Variants in FRS2 observed in about 807,000 individuals in gnomAD.
FRS2 encodes FGFR signalling adaptor.
In FRS2, 8 loss-of-function variants were observed where a neutral mutation model predicts 43.9. The observed-to-expected ratio is 0.18, with a 90% CI of 0.11 to 0.33. The LOEUF (loss-of-function observed/expected upper bound fraction) is 0.33. Ranked by LOEUF, FRS2 falls within the 10% of genes least tolerant of loss-of-function variation. The pLI, the probability that FRS2 is intolerant of heterozygous loss-of-function variation, is 1.00. For missense variants in FRS2, 534 were observed against 627.6 expected (o/e 0.85, Z 1.59); for synonymous variants, 219 against 220.3 (o/e 0.99, Z 0.05).
At chr12:69,484,107 C>G (rs1002022945) in intron 1 of FRS2, among the ~76,000 whole-genome samples, 12 of 125,974 alleles carry the variant, frequency 9.5e-5, no homozygotes, top group Admixed American at 4.0e-4. Flanking sequence ...TTTTTTTTGA[C>G]AGAGTCTCGC....
Position 69,574,823 on chromosome 12 carries a change from C to T in FRS2, c.1395C>T (p.Thr465=). The T allele has an allele frequency of 6.2e-7, 1 of 1,614,034 alleles. No homozygotes were observed. Among genetic ancestry groups the T allele is most frequent in the Non-Finnish European group, 8.5e-7 (1 of 1,179,976 alleles). The change falls in exon 9 of 9, where the codon ACC becomes ACT. Residue 465 remains threonine (T), a synonymous_variant. Coordinates refer to ENST00000549921, the MANE Select transcript of FRS2 (RefSeq NM_001278356.2). ...TPTTPLPQTP[T]RRTELYAVID... ...CAACTCCCCTTCCACAAACCCCTAC[C>T]AGGCGCACAGAGCTGTATGCCGTGA...
intron 1 of FRS2, among the ~76,000 whole-genome samples, chr12:69,507,717 C>T (rs1333965330): frequency 6.6e-6 from 1 of 152,008 alleles, no homozygotes; most frequent in Non-Finnish European, 1.5e-5. Flanking sequence ...AATTTGTGCC[C>T]CTAAGTATGG....
rs940093013 is a variant in FRS2, at chr12:69,513,155, T to G, written c.-260-17710T>G. 2.0e-4 allele frequency among the ~76,000 whole-genome samples: 30 copies of G among 151,084 alleles called. No homozygotes were observed. In the East Asian group the frequency reaches 6.0e-3, roughly 30 times the overall value. On this transcript the variant is annotated intron_variant, in intron 1 of 8. Coordinates refer to ENST00000549921, the MANE Select transcript of FRS2 (RefSeq NM_001278356.2). ...CTCTGGCAAAGTTTGGAGTTTGTTT[T>G]TTTTTTTTGACCTTTTAATACATTG... is the stretch of plus-strand genomic sequence containing the variant.
chr12:69,513,755 G>T (rs1874699174), intron 1 of FRS2, among the ~76,000 whole-genome samples: 2 of 152,100 alleles, frequency 1.3e-5, no homozygotes, highest in African/African-American at 2.4e-5. Context: ...CAAGTGTAAA[G>T]CTCCTGCTGG....
intron 8 of FRS2, among the ~76,000 whole-genome samples, chr12:69,572,552 C>A (rs1336655506): frequency 6.6e-6 from 1 of 152,102 alleles, no homozygotes; most frequent in Non-Finnish European, 1.5e-5. Context: ...ATGGTCAGTT[C>A]CCATTATAAG....
chr12:69,502,897 A>G (rs368329753), intron 1 of FRS2, among the ~76,000 whole-genome samples: 1 of 152,298 alleles, frequency 6.6e-6, no homozygotes, highest in Admixed American at 6.5e-5. Flanking sequence ...CATCAGCAGC[A>G]GCTGCCGCCT....
chr12:69,475,013 G>T (rs1230700711), intron 1 of FRS2, among the ~76,000 whole-genome samples: 2 of 149,918 alleles, frequency 1.3e-5, no homozygotes, highest in African/African-American at 5.0e-5. Context: ...GATAGAATAA[G>T]ATACTTTTAT....
intron 1 of FRS2, among the ~76,000 whole-genome samples, chr12:69,517,013 A>G (rs182967642): frequency 6.6e-6 from 1 of 152,228 alleles, no homozygotes; most frequent in African/African-American, 2.4e-5. Flanking sequence ...ATGATGCTAC[A>G]GTGAAAATTT....
chr12:69,504,369 A>G (rs1411754792), intron 1 of FRS2, among the ~76,000 whole-genome samples: 1 of 152,226 alleles, frequency 6.6e-6, no homozygotes, highest in Admixed American at 6.5e-5. Flanking sequence ...CATCTAAAAA[A>G]ATAAATAAAA....
At chr12:69,510,290 C>G (rs1283316296) in intron 1 of FRS2, among the ~76,000 whole-genome samples, 2 of 152,094 alleles carry the variant, frequency 1.3e-5, no homozygotes, top group Non-Finnish European at 2.9e-5. Flanking sequence ...TCTGAGTGCC[C>G]TCGGTAGAGT....
At chr12:69,496,259 A>G (rs927905888) in intron 1 of FRS2, among the ~76,000 whole-genome samples, 14 of 152,130 alleles carry the variant, frequency 9.2e-5, no homozygotes, top group African/African-American at 3.4e-4. Flanking sequence ...ACACAGTGAA[A>G]CCCCGAATCT....
chr12:69,487,029 C>T (rs187928038), intron 1 of FRS2, among the ~76,000 whole-genome samples: 1 of 152,320 alleles, frequency 6.6e-6, no homozygotes, highest in Admixed American at 6.5e-5. Context: ...ACTTCTTTAT[C>T]ATTTTTCTTA....
chr12:69,482,885 C>T (rs79112674), intron 1 of FRS2, among the ~76,000 whole-genome samples: 104 of 152,196 alleles, frequency 6.8e-4, no homozygotes, highest in Middle Eastern at 3.4e-3. Flanking sequence ...TCTAGACTGC[C>T]ATTTGCCTTC....
At position 69,569,020 on chromosome 12, in the gene FRS2, C is replaced by T; in HGVS notation, c.-11C>T. The T allele has an allele frequency of 3.8e-6, 6 of 1,593,280 alleles. No individual in the cohort carries two copies. The highest frequency in any genetic ancestry group is 5.2e-6 in the Non-Finnish European group (6 of 1,164,620). On this transcript the variant is annotated 5_prime_UTR_variant, in exon 5 of 9. Coordinates refer to ENST00000549921, the MANE Select transcript of FRS2 (RefSeq NM_001278356.2). ...TTTCATGTAGTGCACACATGGTCTT[C>T]TGAAGAAGCCATGGGTAGCTGTTGT...
At chr12:69,568,556 T>G (rs1880484560) in intron 4 of FRS2, among the ~76,000 whole-genome samples, 1 of 142,878 alleles carries the variant, frequency 7.0e-6, no homozygotes, top group Admixed American at 6.8e-5. Context: ...TCTCTGGCTG[T>G]CTCTCTCTCT....
chr12:69,516,292 C>T (rs1875019618), intron 1 of FRS2, among the ~76,000 whole-genome samples: 2 of 151,424 alleles, frequency 1.3e-5, no homozygotes, highest in Non-Finnish European at 2.9e-5. Context: ...GATCTCGGCT[C>T]ACAGCAACCT....
intron 3 of FRS2, among the ~76,000 whole-genome samples, chr12:69,540,120 G>T (rs1306964298): frequency 6.6e-6 from 1 of 151,644 alleles, no homozygotes; most frequent in South Asian, 2.1e-4. Flanking sequence ...GGGTGTGGTG[G>T]TGCGCGCCTG....
intron 1 of FRS2, among the ~76,000 whole-genome samples, chr12:69,509,277 G>A (rs1272442482): frequency 6.6e-6 from 1 of 152,064 alleles, no homozygotes; most frequent in Non-Finnish European, 1.5e-5. Context: ...CTCTTATCAG[G>A]GATAGGGAGA....
intron 1 of FRS2, among the ~76,000 whole-genome samples, chr12:69,530,146 A>T (rs1204568438): frequency 6.6e-6 from 1 of 152,222 alleles, no homozygotes; most frequent in Middle Eastern, 3.2e-3. Flanking sequence ...TGACAATAAC[A>T]ATAATAATTG....
Sources: allele counts gnomAD v4.1 joint callset (sites outside exome capture counted in the v4.1 genomes callset), GRCh38; gene constraint gnomAD v4.1.1; transcripts MANE v1.5; gene names NCBI Gene and HGNC (gene_info 2026-07-23, HGNC 2026-07-21).